The following SELENOT variants were observed in gnomAD, a reference collection of about 807,000 sequenced individuals.
SELENOT encodes selenoprotein T.
Under a neutral mutation model 24.3 loss-of-function variants are expected in SELENOT, and 9 were observed. That is an observed-to-expected ratio of 0.37 (90% CI 0.22 to 0.65). The LOEUF is 0.65. Ranked by LOEUF, SELENOT falls within the 30% of genes least tolerant of loss-of-function variation. The pLI is 0.60. For missense variants in SELENOT, 166 were observed against 247.6 expected (o/e 0.67, Z 2.21); for synonymous variants, 81 against 86.0 (o/e 0.94, Z 0.32).
chr3:150,606,646 G>A (rs984300800), intron 1 of SELENOT, among the ~76,000 whole-genome samples: 7 of 152,164 alleles, frequency 4.6e-5, no homozygotes, highest in Non-Finnish European at 8.8e-5. Flanking sequence ...AAGCTAGAGT[G>A]CAGTGGTGTG....
intron 1 of SELENOT, among the ~76,000 whole-genome samples, chr3:150,617,778 AAAAAC>A (rs1054287968): frequency 7.8e-6 from 1 of 127,504 alleles, no homozygotes; most frequent in African/African-American, 3.0e-5. Context: ...CAACTTAAAA[AAAAAC>A]AAAAAAAAAC....
intron 1 of SELENOT, among the ~76,000 whole-genome samples, chr3:150,616,760 A>G (rs535417369): frequency 1.3e-5 from 2 of 152,338 alleles, no homozygotes; most frequent in South Asian, 2.1e-4. Flanking sequence ...TTGAATGTCT[A>G]CTTTCAAGTA....
chr3:150,618,825 A>G (rs1433844289), intron 1 of SELENOT: 2 of 152,182 alleles, frequency 1.3e-5, no homozygotes, highest in African/African-American at 4.8e-5. Flanking sequence ...TGCCCAGCCT[A>G]TGATAGACTT....
chr3:150,621,260 T>C (rs1726336206), intron 1 of SELENOT, among the ~76,000 whole-genome samples: 1 of 152,168 alleles, frequency 6.6e-6, no homozygotes, highest in Non-Finnish European at 1.5e-5. Context: ...TCACTTACCG[T>C]TCCCTCACAC....
At chr3:150,617,513 T>G (rs570345723) in intron 1 of SELENOT, among the ~76,000 whole-genome samples, 58 of 152,332 alleles carry the variant, frequency 3.8e-4, no homozygotes, top group African/African-American at 1.3e-3. Flanking sequence ...GGCAGAAGGA[T>G]TGCTTATTTC....
chr3:150,617,378 A>T (rs1726240867), intron 1 of SELENOT, among the ~76,000 whole-genome samples: 1 of 152,170 alleles, frequency 6.6e-6, no homozygotes, highest in South Asian at 2.1e-4. Context: ...AAGCGGGAGG[A>T]TCACTTGAGG....
intron 4 of SELENOT, 43 bp downstream of exon 4, chr3:150,624,942 A>G: frequency 9.5e-7 from 1 of 1,054,548 alleles, no homozygotes; most frequent in Non-Finnish European, 1.4e-6. Context: ...ATTTTAAATG[A>G]TTTATAATGA....
rs949615146 is a variant in SELENOT at position 150,609,110 on chromosome 3, G to A, written c.137+5611G>A. Among the ~76,000 whole-genome samples the A allele has an allele frequency of 4.6e-5, 7 of 152,168 alleles. No homozygotes were observed. The South Asian group carries it at 8.3e-4, about 18-fold the overall frequency. ...AATGCTTTCAACTTTTGCCCATTCA[G>A]TATGATATTGGTTATGGGTTTGTCA... is the stretch of plus-strand genomic sequence containing the variant. On this transcript the variant is annotated intron_variant, in intron 1 of 5. Transcript: ENST00000471696.
At chr3:150,625,852 A>G (rs1576535179) in intron 4 of SELENOT, among the ~76,000 whole-genome samples, 1 of 150,180 alleles carries the variant, frequency 6.7e-6, no homozygotes, top group African/African-American at 2.4e-5. Context: ...ATTGACCAAT[A>G]TCTGTTCTAA....
At chr3:150,605,522 C>T (rs1725943417) in intron 1 of SELENOT, among the ~76,000 whole-genome samples, 1 of 152,046 alleles carries the variant, frequency 6.6e-6, no homozygotes, top group African/African-American at 2.4e-5. Context: ...ACAGACCTGT[C>T]CCAAAAGTCT....
intron 1 of SELENOT, among the ~76,000 whole-genome samples, chr3:150,619,405 G>A (rs1185339768): frequency 1.3e-5 from 2 of 151,706 alleles, no homozygotes; most frequent in East Asian, 1.9e-4. Context: ...GCACGGCGGC[G>A]GGCGCCTGTA....
chr3:150,617,959 T>C (rs1726257333), intron 1 of SELENOT, among the ~76,000 whole-genome samples: 1 of 152,010 alleles, frequency 6.6e-6, no homozygotes, highest in Admixed American at 6.6e-5. Flanking sequence ...TGGGTTGAAG[T>C]GATTCTCATG....
intron 4 of SELENOT, among the ~76,000 whole-genome samples, chr3:150,626,059 C>T (rs1424148733): frequency 6.6e-6 from 1 of 152,048 alleles, no homozygotes; most frequent in Non-Finnish European, 1.5e-5. Flanking sequence ...TTAGTAGAGA[C>T]AGAGTTTCAC....
intron 1 of SELENOT, among the ~76,000 whole-genome samples, chr3:150,608,635 A>G (rs772782227): frequency 3.3e-5 from 5 of 152,196 alleles, no homozygotes; most frequent in Non-Finnish European, 5.9e-5. Context: ...GAGATGCTAA[A>G]TATGGAAAAG....
intron 1 of SELENOT, among the ~76,000 whole-genome samples, chr3:150,610,924 T>C (rs1726071447): frequency 6.6e-6 from 1 of 152,046 alleles, no homozygotes; most frequent in Non-Finnish European, 1.5e-5. Flanking sequence ...GACTTGACCA[T>C]TGTCTTGTTG....
chr3:150,613,842 A>G (rs752001013), intron 1 of SELENOT, among the ~76,000 whole-genome samples: 35 of 152,038 alleles, frequency 2.3e-4, no homozygotes, highest in Non-Finnish European at 4.6e-4. Flanking sequence ...TCTTTGCAAG[A>G]TAGCTCTTCT....
At chr3:150,607,929 C>T (rs552942654) in intron 1 of SELENOT, among the ~76,000 whole-genome samples, 16 of 152,032 alleles carry the variant, frequency 1.1e-4, no homozygotes, top group African/African-American at 2.4e-4. Context: ...CCATTTAGGG[C>T]GGCTTTTGGA....
rs779276248 is a variant in SELENOT, at chr3:150,603,547, G to T, written c.137+48G>T. 2.1e-5 allele frequency: 32 copies of T among 1,528,788 alleles called. No individual in the cohort carries two copies. In the East Asian group the frequency reaches 2.2e-4, roughly 10 times the overall value. The allele number at this position is 1,528,788 out of a possible 1,614,324, so 94.7% of individuals were successfully genotyped here. On this transcript the variant is annotated intron_variant, in intron 1 of 5. Coordinates refer to ENST00000471696, the MANE Select transcript of SELENOT (RefSeq NM_016275.5). ...GGCCACCCCGCCGCGCCTCTGCTCG[G>T]CGCCATTGGCTACGCGAGGCCCCGG...
intron 1 of SELENOT, chr3:150,611,694 C>G: frequency 6.2e-7 from 1 of 1,601,034 alleles, no homozygotes; most frequent in Non-Finnish European, 8.5e-7. Flanking sequence ...CCGACCGCAC[C>G]GCTCACCATC....
Sources: gnomAD v4.1 joint callset for allele counts (sites outside exome capture counted in the v4.1 genomes callset) on GRCh38, gnomAD v4.1.1 for gene constraint, MANE v1.5 for transcripts, NCBI Gene and HGNC (gene_info 2026-07-23, HGNC 2026-07-21) for gene names.